ALDH1A2: variants seen among roughly 807,000 people sequenced by gnomAD.
ALDH1A2 encodes the protein aldehyde dehydrogenase 1 family member A2.
A neutral mutation model predicts 60.3 loss-of-function variants in ALDH1A2; 27 were observed. That is an observed-to-expected ratio of 0.45 (90% CI 0.33 to 0.62). ALDH1A2 has a LOEUF of 0.62. Ranked by LOEUF, ALDH1A2 falls within the 20% of genes least tolerant of loss-of-function variation. ALDH1A2 has a pLI of 0.02. For missense variants in ALDH1A2, 581 were observed against 643.8 expected (o/e 0.90, Z 1.06); for synonymous variants, 289 against 232.4 (o/e 1.24, Z -2.21).
intron 1 of ALDH1A2, among the ~76,000 whole-genome samples, chr15:58,045,587 C>CT: frequency 6.6e-6 from 1 of 152,162 alleles, no homozygotes; most frequent in East Asian, 1.9e-4. Flanking sequence ...AGTTCATGTC[C>CT]TTTGCAGGGA....
intron 1 of ALDH1A2, among the ~76,000 whole-genome samples, chr15:58,048,915 T>G (rs182090194): frequency 6.6e-6 from 1 of 151,582 alleles, no homozygotes; most frequent in African/African-American, 2.4e-5. Context: ...ATAATGAATA[T>G]ATCCATTCCC....
At chr15:57,983,218 G>A (rs1177531120) in intron 7 of ALDH1A2, among the ~76,000 whole-genome samples, 2 of 152,134 alleles carry the variant, frequency 1.3e-5, no homozygotes, top group Admixed American at 6.5e-5. Context: ...AATATGTATC[G>A]AGCTTTTACA....
intron 1 of ALDH1A2, among the ~76,000 whole-genome samples, chr15:58,035,495 T>C (rs1333274349): frequency 6.6e-6 from 1 of 151,674 alleles, no homozygotes; most frequent in Non-Finnish European, 1.5e-5. Flanking sequence ...ATTACTCTTC[T>C]TTTTCTAGTT....
At chr15:58,034,187 G>A (rs1896318236) in intron 1 of ALDH1A2, among the ~76,000 whole-genome samples, 1 of 151,368 alleles carries the variant, frequency 6.6e-6, no homozygotes, top group Non-Finnish European at 1.5e-5. Flanking sequence ...CCTTATAAAT[G>A]TACATATTTT....
At chr15:57,979,719 GT>G in intron 7 of ALDH1A2, 1 of 266,930 alleles carries the variant, frequency 3.7e-6, no homozygotes, top group Non-Finnish European at 7.4e-6. Context: ...GGGAGCCTCA[GT>G]AGCCAGCCTC....
chr15:57,960,029 C>T (rs35438689), intron 12 of ALDH1A2, among the ~76,000 whole-genome samples: 230 of 152,280 alleles, frequency 1.5e-3, no homozygotes, highest in Middle Eastern at 3.4e-3. Flanking sequence ...GAAAGGCTGA[C>T]ACAAATCCCT....
chr15:57,962,246 G>T (rs1244045858), intron 9 of ALDH1A2, 70 bp from the exon 10 acceptor site: 11 of 1,568,764 alleles, frequency 7.0e-6, no homozygotes, highest in Non-Finnish European at 7.9e-6. Flanking sequence ...ATGTTCTTGA[G>T]AATCTTTCAT....
chr15:57,983,791 A>G (rs1894599076), intron 7 of ALDH1A2, among the ~76,000 whole-genome samples: 1 of 152,182 alleles, frequency 6.6e-6, no homozygotes. Flanking sequence ...GAATCACATA[A>G]AACACCACCT....
chr15:57,969,428 G>C (rs531386618), intron 7 of ALDH1A2, among the ~76,000 whole-genome samples: 74 of 152,322 alleles, frequency 4.9e-4, no homozygotes, highest in African/African-American at 1.6e-3. Context: ...TGTGGGATTA[G>C]AAAGTATAAG....
intron 7 of ALDH1A2, among the ~76,000 whole-genome samples, chr15:57,984,514 C>T (rs559671375): frequency 3.3e-5 from 5 of 152,290 alleles, no homozygotes; most frequent in Non-Finnish European, 5.9e-5. Flanking sequence ...CTTCATATTC[C>T]ATCAGCAGTC....
At chr15:58,008,592 T>C (rs1249337277) in intron 4 of ALDH1A2, among the ~76,000 whole-genome samples, 3 of 152,130 alleles carry the variant, frequency 2.0e-5, no homozygotes, top group African/African-American at 7.2e-5. Flanking sequence ...CAAATAGAGA[T>C]CTATGTGCAT....
At chr15:57,988,810 C>G (rs1203870424) in intron 7 of ALDH1A2, among the ~76,000 whole-genome samples, 2 of 152,332 alleles carry the variant, frequency 1.3e-5, no homozygotes, top group Non-Finnish European at 2.9e-5. Context: ...TATGGACTCA[C>G]TATGTGGCTT....
intron 7 of ALDH1A2, among the ~76,000 whole-genome samples, chr15:57,981,319 C>G (rs1894499613): frequency 6.9e-6 from 1 of 145,854 alleles, no homozygotes; most frequent in African/African-American, 2.8e-5. Flanking sequence ...CACACACACA[C>G]ACACACACAG....
chr15:58,018,190 A>G (rs1317400671), intron 1 of ALDH1A2, among the ~76,000 whole-genome samples: 1 of 152,166 alleles, frequency 6.6e-6, no homozygotes, highest in African/African-American at 2.4e-5. Flanking sequence ...GGATAGGAAG[A>G]TAATAAAAAG....
chr15:57,989,285 TTATCA>T (rs1417192577), intron 7 of ALDH1A2, among the ~76,000 whole-genome samples: 4 of 152,056 alleles, frequency 2.6e-5, no homozygotes, highest in Non-Finnish European at 2.9e-5. Flanking sequence ...GAAGGGATTT[TTATCA>T]TATTATATCA....
intron 7 of ALDH1A2, among the ~76,000 whole-genome samples, chr15:57,972,568 G>GCTAA (rs1384496057): frequency 6.0e-5 from 9 of 150,378 alleles, no homozygotes; most frequent in Non-Finnish European, 1.3e-4. Context: ...TGGGGAGAAA[G>GCTAA]CTAACTGCAG....
chr15:58,061,205 A>T (rs1184178680), intron 1 of ALDH1A2, among the ~76,000 whole-genome samples: 4 of 152,180 alleles, frequency 2.6e-5, no homozygotes, highest in Non-Finnish European at 4.4e-5. Context: ...TCCTGTGATG[A>T]AATTGTCCAG....
At chr15:58,003,197 A>T (rs1231160063) in intron 4 of ALDH1A2, among the ~76,000 whole-genome samples, 3 of 151,812 alleles carry the variant, frequency 2.0e-5, no homozygotes, top group Admixed American at 6.6e-5. Context: ...AACCTCTTAA[A>T]AAGGTTCCTT....
At chr15:57,994,761 T>A (rs1246892503) in intron 5 of ALDH1A2, among the ~76,000 whole-genome samples, 2 of 152,092 alleles carry the variant, frequency 1.3e-5, no homozygotes, top group African/African-American at 4.8e-5. Flanking sequence ...TAAACAACTA[T>A]AACAAAGCAT....
Sources: gnomAD v4.1 joint callset for allele counts (sites outside exome capture counted in the v4.1 genomes callset) on GRCh38, gnomAD v4.1.1 for gene constraint, MANE v1.5 for transcripts, NCBI Gene and HGNC (gene_info 2026-07-23, HGNC 2026-07-21) for gene names.